MYO16: variants seen among roughly 807,000 people sequenced by gnomAD.
MYO16 encodes the protein myosin XVI.
Under a neutral mutation model 205.3 loss-of-function variants are expected in MYO16, and 94 were observed. The ratio of observed to expected loss-of-function variants is 0.46; its 90% CI spans 0.39 to 0.54. MYO16 has a LOEUF of 0.54. MYO16 is among the 20% of genes least tolerant of loss of function. MYO16 has a pLI of 0.00. For missense variants in MYO16, 2,315 were observed against 2,387.5 expected, an observed-to-expected ratio of 0.97 and a Z score of 0.63; for synonymous variants, 988 against 954.0, an observed-to-expected ratio of 1.04 and a Z score of -0.66.
the MYO16 span, among the ~76,000 whole-genome samples, chr13:108,573,100 T>C: frequency 1.3e-5 from 2 of 152,212 alleles, no homozygotes; most frequent in African/African-American, 4.8e-5. Context: ...GCATGCTTTT[T>C]GTCCCACCCA....
At chr13:108,583,513 A>T in the MYO16 span, among the ~76,000 whole-genome samples, 1 of 152,204 alleles carries the variant, frequency 6.6e-6, no homozygotes, top group Non-Finnish European at 1.5e-5. Flanking sequence ...TACCACAAGT[A>T]TGCATAGAGG....
At position 108,844,394 on chromosome 13, in the gene MYO16, C is replaced by T. The variant is rs773311277; in HGVS notation, c.1149C>T (p.Asp383=). ...IAKQDSLLEK[D]IMFKDATKGL... is the part of the protein sequence containing the mutation. ...AGCAAGACAGTTTGTTGGAAAAAGA[C>T]ATTATGTTCAAAGATGCAACAAAAG... The change falls in exon 10 of 35, where the codon GAC becomes GAT. Residue 383 remains aspartate (D), a synonymous_variant. Coordinates refer to ENST00000457511, the MANE Select transcript of MYO16 (RefSeq NM_001198950.3). The T allele has an allele frequency of 6.2e-7, 1 of 1,613,346 alleles. No homozygotes were observed. Among genetic ancestry groups the T allele is most frequent in the East Asian group, 2.2e-5 (1 of 44,858 alleles).
At chr13:108,677,698 C>T (rs1458615519) in intron 2 of MYO16, among the ~76,000 whole-genome samples, 1 of 152,090 alleles carries the variant, frequency 6.6e-6, no homozygotes, top group Non-Finnish European at 1.5e-5. Flanking sequence ...CTTAGAGCTG[C>T]TCCCTTCTCA....
intron 27 of MYO16, among the ~76,000 whole-genome samples, chr13:109,098,706 C>T (rs1268780839): frequency 6.6e-6 from 1 of 152,168 alleles, no homozygotes; most frequent in Admixed American, 6.5e-5. Context: ...GATCATCAAA[C>T]AGTGACATGA....
intron 1 of MYO16, among the ~76,000 whole-genome samples, chr13:108,633,808 C>T (rs995813675): frequency 5.9e-5 from 9 of 152,210 alleles, no homozygotes; most frequent in South Asian, 2.1e-4. Context: ...TTCTAGCTAT[C>T]GCACACACTG....
chr13:108,894,226 G>C (rs990766127), intron 14 of MYO16, among the ~76,000 whole-genome samples: 3 of 152,070 alleles, frequency 2.0e-5, no homozygotes, highest in Non-Finnish European at 4.4e-5. Flanking sequence ...CCCCCCACCG[G>C]GTCTCTCCTT....
chr13:109,153,047 TAC>T (rs777706292), intron 32 of MYO16, among the ~76,000 whole-genome samples: 37 of 152,184 alleles, frequency 2.4e-4, no homozygotes, highest in Non-Finnish European at 4.9e-4. Flanking sequence ...ACTCACATTT[TAC>T]ATAGAGATAC....
In MYO16 at chr13:109,054,375, G is replaced by A; in HGVS notation, c.3049-671G>A. ...AGAGGAGGAAAGGGAAGAAAAACATGGTAAGAAAGCATCAGACCATTCATT... is the reference window on the plus strand; with the variant it reads ...AGAGGAGGAAAGGGAAGAAAAACATAGTAAGAAAGCATCAGACCATTCATT... On this transcript the variant is annotated intron_variant, in intron 25 of 34. Coordinates refer to ENST00000457511, the MANE Select transcript of MYO16 (RefSeq NM_001198950.3). The A allele has an allele frequency of 8.9e-6, 3 of 338,954 alleles. 1 individual carries two copies. Among genetic ancestry groups the A allele is most frequent in the South Asian group, 4.5e-5 (2 of 44,054 alleles). The allele number at this position is 338,954 out of a possible 1,614,324, so 21.0% of individuals were successfully genotyped here.
the MYO16 span, among the ~76,000 whole-genome samples, chr13:108,569,033 A>T: frequency 6.6e-6 from 1 of 152,092 alleles, no homozygotes; most frequent in Admixed American, 6.5e-5. Flanking sequence ...GTCTGATTTT[A>T]TGCCAGCATC....
intron 14 of MYO16, among the ~76,000 whole-genome samples, chr13:108,890,480 A>G (rs561895792): frequency 6.6e-6 from 1 of 152,260 alleles, no homozygotes; most frequent in East Asian, 1.9e-4. Context: ...GGTAGGGCCC[A>G]GGCCCTGTCG....
At chr13:108,847,048 A>T (rs1448560694) in intron 10 of MYO16, among the ~76,000 whole-genome samples, 1 of 152,222 alleles carries the variant, frequency 6.6e-6, no homozygotes, top group African/African-American at 2.4e-5. Flanking sequence ...CAACCATTTC[A>T]TCAAGGTACT....
chr13:108,622,978 A>C (rs1879600099), intron 1 of MYO16, among the ~76,000 whole-genome samples: 1 of 151,910 alleles, frequency 6.6e-6, no homozygotes, highest in Admixed American at 6.6e-5. Flanking sequence ...TGAGAGAAAG[A>C]GTGAGAGAGA....
rs1163398031 is a variant in MYO16 at position 109,127,544 on chromosome 13, A to G, written c.4045A>G (p.Asn1349Asp). The stretch of plus-strand genomic sequence containing the variant: ...CCTCTCCGCGGCCAGGGAAGCGGCC[A>G]ACGAAGGTCAGCCCTGGGGAGGGAC... Reference protein sequence around the residue: ...ACLSAAREAANEALARPRPHS... With the variant: ...ACLSAAREAADEALARPRPHS... The change falls in exon 31 of 35, where the codon AAC becomes GAC. Residue 1349 changes from asparagine (N) to aspartate (D), a missense_variant. By Grantham distance (23) the Asn-to-Asp change is conservative. Coordinates refer to ENST00000457511, the MANE Select transcript of MYO16 (RefSeq NM_001198950.3). The surrounding 1 kb of genome is among the most constrained non-coding windows in gnomAD (Gnocchi z 4.2). 1.5e-5 allele frequency: 24 copies of G among 1,609,730 alleles called. No homozygotes were observed. The East Asian group carries it at 5.4e-4, about 36-fold the overall frequency.
chr13:109,154,060 G>A (rs538636541), intron 32 of MYO16, among the ~76,000 whole-genome samples: 50 of 152,324 alleles, frequency 3.3e-4, no homozygotes, highest in African/African-American at 1.1e-3. Flanking sequence ...CAACCGCTAC[G>A]GCTATCAAAG....
At chr13:108,574,531 T>G in the MYO16 span, among the ~76,000 whole-genome samples, 1 of 152,174 alleles carries the variant, frequency 6.6e-6, no homozygotes. Context: ...CAGGAAGAAC[T>G]CTTATCTCTT....
At chr13:108,648,998 T>A (rs1880878209) in intron 1 of MYO16, among the ~76,000 whole-genome samples, 2 of 149,506 alleles carry the variant, frequency 1.3e-5, no homozygotes. Context: ...TGGGCTGATA[T>A]TTAAACAACA....
At chr13:108,797,516 C>T (rs1886830863) in intron 6 of MYO16, among the ~76,000 whole-genome samples, 1 of 152,176 alleles carries the variant, frequency 6.6e-6, no homozygotes, top group South Asian at 2.1e-4. Context: ...CAAGTGAAAA[C>T]TTTGAGGAAG....
chr13:108,872,067 G>A (rs188009914), intron 12 of MYO16, among the ~76,000 whole-genome samples: 1 of 152,322 alleles, frequency 6.6e-6, no homozygotes, highest in East Asian at 1.9e-4. Flanking sequence ...GGCATTTCAT[G>A]CCTCTAATTT....
intron 9 of MYO16, among the ~76,000 whole-genome samples, chr13:108,827,814 C>T (rs532193870): frequency 6.6e-6 from 1 of 152,258 alleles, no homozygotes; most frequent in East Asian, 1.9e-4. Context: ...ACAGCTGCTG[C>T]TGAATATGCC....
Sources: allele counts gnomAD v4.1 joint callset (sites outside exome capture counted in the v4.1 genomes callset), GRCh38; gene constraint gnomAD v4.1.1; non-coding constraint Gnocchi (gnomAD v3.1); transcripts MANE v1.5; gene names NCBI Gene and HGNC (gene_info 2026-07-23, HGNC 2026-07-21).